Variants in ARIH1 observed in about 807,000 individuals in gnomAD.
ARIH1 encodes E3 ubiquitin-protein ligase ARIH1.
ARIH1 carries 8 observed loss-of-function variants against 85.0 expected under a neutral mutation model. The observed-to-expected ratio is 0.09, with a 90% CI of 0.06 to 0.17. The LOEUF is 0.17. Among genes scored for constraint, ARIH1 ranks in the 10% least tolerant of loss-of-function variants. The pLI is 1.00. For synonymous variants in ARIH1, 238 were observed against 253.6 expected, an observed-to-expected ratio of 0.94 and a Z score of 0.59; for missense variants, 311 against 718.1, an observed-to-expected ratio of 0.43 and a Z score of 6.48.
intron 1 of ARIH1, among the ~76,000 whole-genome samples, chr15:72,492,403 T>G (rs1211101033): frequency 6.6e-6 from 1 of 152,182 alleles, no homozygotes; most frequent in African/African-American, 2.4e-5. Context: ...AGCCAGTTTA[T>G]TTTGCTCGGT....
At chr15:72,532,026 G>C (rs978377356) in intron 2 of ARIH1, among the ~76,000 whole-genome samples, 2 of 152,014 alleles carry the variant, frequency 1.3e-5, no homozygotes, top group South Asian at 4.1e-4. Flanking sequence ...CATCTTAAAA[G>C]TCTCAAGTAA....
At chr15:72,495,163 G>A (rs1238656746) in intron 1 of ARIH1, among the ~76,000 whole-genome samples, 1 of 152,108 alleles carries the variant, frequency 6.6e-6, no homozygotes, top group African/African-American at 2.4e-5. Context: ...AAAATGTCCT[G>A]AATTGGCAAA....
At chr15:72,565,470 A>C (rs995914962) in intron 7 of ARIH1, among the ~76,000 whole-genome samples, 1 of 152,230 alleles carries the variant, frequency 6.6e-6, no homozygotes, top group African/African-American at 2.4e-5. Context: ...TTTTCCTCCA[A>C]ACATCTATAG....
At chr15:72,525,762 T>C (rs1162400053) in intron 2 of ARIH1, among the ~76,000 whole-genome samples, 2 of 152,086 alleles carry the variant, frequency 1.3e-5, no homozygotes, top group African/African-American at 4.8e-5. Context: ...ATGTAAGTAG[T>C]TGTAGCTTCG....
rs747406178 is a variant in ARIH1, at chr15:72,474,816, C to A, written c.177C>A (p.Asp59Glu). The A allele has an allele frequency of 1.4e-6, 2 of 1,468,166 alleles. No homozygotes were observed. Among genetic ancestry groups the A allele is most frequent in the African/African-American group, 2.9e-5 (2 of 68,946 alleles). The allele number at this position is 1,468,166 out of a possible 1,614,324, so 90.9% of individuals were successfully genotyped here. Residue 59 changes from aspartate to glutamate, a missense_variant, in exon 1 of 14, where the codon GAC becomes GAA. Around this residue, in one of 3 missense-constraint regions of ARIH1, gnomAD observed 157 missense variants for 185.1 expected, o/e 0.85. Coordinates refer to ENST00000379887, the MANE Select transcript of ARIH1 (RefSeq NM_005744.5). ...GGCTGGGCGTCGGCGGGGAGCGGGA[C>A]GGACTGCTGTGCGGGGAGACGGGCG... ...EPGLGVGGER[D>E]GLLCGETGGG... is the part of the protein sequence containing the mutation.
At chr15:72,529,403 A>G (rs1320003834) in intron 2 of ARIH1, among the ~76,000 whole-genome samples, 1 of 152,098 alleles carries the variant, frequency 6.6e-6, no homozygotes, top group Non-Finnish European at 1.5e-5. Flanking sequence ...ACACCTAGCA[A>G]ATTTTTTGTA....
At position 72,600,301 on chromosome 15, in the gene ARIH1, G is replaced by A. The variant is rs1329265150; in HGVS notation, c.*17009G>A. The A allele has an allele frequency of 6.6e-6, 1 of 152,152 alleles. No individual in the cohort carries two copies. Among genetic ancestry groups the A allele is most frequent in the African/African-American group, 2.4e-5 (1 of 41,420 alleles). The allele number at this position is 152,152 out of a possible 1,614,324, so 9.4% of individuals were successfully genotyped here. On this transcript the variant is annotated 3_prime_UTR_variant, in exon 14 of 14. Coordinates refer to ENST00000379887, the MANE Select transcript of ARIH1 (RefSeq NM_005744.5). Reference sequence around the variant, plus strand: ...CTTGATAAGCAGGGTCACATTTGAGGAGATTTGCTAAGGGAAATGAAGATC... The same window carrying A: ...CTTGATAAGCAGGGTCACATTTGAGAAGATTTGCTAAGGGAAATGAAGATC...
At chr15:72,510,769 A>AAAAAAAAC (rs2063947395) in intron 1 of ARIH1, among the ~76,000 whole-genome samples, 1 of 133,302 alleles carries the variant, frequency 7.5e-6, no homozygotes, top group Non-Finnish European at 1.6e-5. Flanking sequence ...AAAAAAAAAA[A>AAAAAAAAC]AGACTTTTTC....
At chr15:72,563,185 G>C (rs1456125607) in intron 6 of ARIH1, among the ~76,000 whole-genome samples, 1 of 152,000 alleles carries the variant, frequency 6.6e-6, no homozygotes, top group Non-Finnish European at 1.5e-5. Context: ...TGTGTAGTCG[G>C]GACTACAGGC....
At chr15:72,565,148 G>A (rs1037770330) in intron 7 of ARIH1, among the ~76,000 whole-genome samples, 1 of 152,142 alleles carries the variant, frequency 6.6e-6, no homozygotes, top group Non-Finnish European at 1.5e-5. Flanking sequence ...TGTAACCTTT[G>A]CTTCTCAGGT....
chr15:72,569,501 T>C (rs1046826394), intron 9 of ARIH1, among the ~76,000 whole-genome samples: 1 of 152,174 alleles, frequency 6.6e-6, no homozygotes, highest in Non-Finnish European at 1.5e-5. Flanking sequence ...TGAAGTCAGA[T>C]TGCTTGGATT....
At chr15:72,526,112 A>T (rs2064026930) in intron 2 of ARIH1, among the ~76,000 whole-genome samples, 1 of 152,228 alleles carries the variant, frequency 6.6e-6, no homozygotes, top group Non-Finnish European at 1.5e-5. Flanking sequence ...CTAATGGGTA[A>T]CACTGAATGT....
At chr15:72,484,239 T>C (rs1414846446) in intron 1 of ARIH1, among the ~76,000 whole-genome samples, 2 of 151,286 alleles carry the variant, frequency 1.3e-5, no homozygotes, top group African/African-American at 2.4e-5. Flanking sequence ...CAAGAAATAA[T>C]GCAAAAATCC....
At chr15:72,538,982 C>G (rs922280510) in intron 2 of ARIH1, among the ~76,000 whole-genome samples, 1 of 152,230 alleles carries the variant, frequency 6.6e-6, no homozygotes, top group African/African-American at 2.4e-5. Context: ...AAGGAGAAAC[C>G]ATACTGCTGC....
At chr15:72,541,602 G>A (rs1473337918) in intron 2 of ARIH1, among the ~76,000 whole-genome samples, 2 of 152,154 alleles carry the variant, frequency 1.3e-5, no homozygotes, top group African/African-American at 4.8e-5. Flanking sequence ...TGAGAAGAAT[G>A]ATAAAGGGAT....
At chr15:72,537,665 A>G (rs1250104931) in intron 2 of ARIH1, among the ~76,000 whole-genome samples, 1 of 152,198 alleles carries the variant, frequency 6.6e-6, no homozygotes, top group Admixed American at 6.5e-5. Context: ...CATTTTCTAA[A>G]AGTAGAAAAA....
Position 72,595,006 on chromosome 15 carries a change from T to C in ARIH1, c.*11714T>C, listed in dbSNP as rs963345119. 6.6e-6 allele frequency: 1 copy of C among 152,180 alleles called. No homozygotes were observed. Among genetic ancestry groups the C allele is most frequent in the African/African-American group, 2.4e-5 (1 of 41,454 alleles). The allele number at this position is 152,180 out of a possible 1,614,324, so 9.4% of individuals were successfully genotyped here. A position where few individuals can be genotyped will look rare whatever the true frequency, so the allele number is the denominator to read the frequency against. ...ACCAGCCCAAAGAAGTTCCTTTCTA[T>C]TCCTAATTTGTTGATAATTTTTATT... On this transcript the variant is annotated 3_prime_UTR_variant, in exon 14 of 14. Transcript: ENST00000379887.
rs2140441796 is a variant in ARIH1, at chr15:72,584,519, T to G, written c.*1227T>G. On this transcript the variant is annotated 3_prime_UTR_variant, in exon 14 of 14. Transcript: ENST00000379887. The stretch of plus-strand genomic sequence containing the variant: ...CTACATTAGGGTGTCAAAGAGAATG[T>G]TTTGCTTTAAATATAAATAGCCATT... 2 of 152,310 alleles carry G rather than the reference T, an allele frequency of 1.3e-5. No individual in the cohort carries two copies. The highest frequency in any genetic ancestry group is 3.9e-4 in the East Asian group (2 of 5,192). 9.4% of individuals were successfully genotyped at this position (152,310 alleles called of 1,614,324 possible).
At chr15:72,516,358 A>C (rs1567344307) in intron 1 of ARIH1, among the ~76,000 whole-genome samples, 1 of 152,216 alleles carries the variant, frequency 6.6e-6, no homozygotes, top group Non-Finnish European at 1.5e-5. Context: ...CTAAATCTAA[A>C]TTAGTGACTT....
Sources: allele counts gnomAD v4.1 joint callset (sites outside exome capture counted in the v4.1 genomes callset), GRCh38; gene constraint gnomAD v4.1.1; regional missense constraint gnomAD v4.1.1; transcripts MANE v1.5; gene names NCBI Gene and HGNC (gene_info 2026-07-23, HGNC 2026-07-21).